Variants in AGBL1 observed in about 807,000 individuals in gnomAD.
AGBL1 encodes cytosolic carboxypeptidase 4.
In AGBL1, 130 loss-of-function variants were observed where a neutral mutation model predicts 118.9. The ratio of observed to expected loss-of-function variants is 1.09; its 90% CI spans 0.95 to 1.26. The LOEUF (loss-of-function observed/expected upper bound fraction) is 1.26. Ranked by LOEUF, AGBL1 falls within the 50% of genes most tolerant of loss-of-function variation. AGBL1 has a pLI of 0.00. For synonymous variants in AGBL1, 555 were observed against 478.9 expected (o/e 1.16, Z -2.08); for missense variants, 1,584 against 1,298.1 (o/e 1.22, Z -3.38).
chr15:86,876,369 C>T (rs191427878), intron 22 of AGBL1, among the ~76,000 whole-genome samples: 7 of 151,920 alleles, frequency 4.6e-5, no homozygotes, highest in South Asian at 4.2e-4. Flanking sequence ...AAAGCTGCAC[C>T]GATGGAGGGC....
intron 3 of AGBL1, among the ~76,000 whole-genome samples, chr15:86,152,829 C>A (rs1054408044): frequency 9.9e-5 from 15 of 152,012 alleles, no homozygotes; most frequent in African/African-American, 3.4e-4. Context: ...GAAAAACAAC[C>A]CCATCAAAAA....
intron 1 of AGBL1, among the ~76,000 whole-genome samples, chr15:86,133,118 G>A (rs2076840683): frequency 1.3e-5 from 2 of 152,142 alleles, no homozygotes; most frequent in South Asian, 4.2e-4. Context: ...TGTTACAGAG[G>A]TTATGGAAAT....
chr15:86,619,939 A>G (rs184339885), intron 21 of AGBL1, among the ~76,000 whole-genome samples: 11 of 152,342 alleles, frequency 7.2e-5, no homozygotes, highest in Non-Finnish European at 1.2e-4. Context: ...CCTATAACAG[A>G]GCTAAGTCAC....
At chr15:86,410,903 TATATA>T (rs1230189230) in intron 18 of AGBL1, among the ~76,000 whole-genome samples, 3 of 121,160 alleles carry the variant, frequency 2.5e-5, no homozygotes, top group Non-Finnish European at 4.9e-5. Context: ...TATAATATTA[TATATA>T]ATATATGTTA....
At chr15:86,980,867 T>C (rs2081225084) in intron 23 of AGBL1, among the ~76,000 whole-genome samples, 1 of 150,462 alleles carries the variant, frequency 6.6e-6, no homozygotes, top group Admixed American at 6.7e-5. Context: ...TAAATATAAA[T>C]AGTGCTTCAG....
intron 22 of AGBL1, among the ~76,000 whole-genome samples, chr15:86,799,154 T>A (rs976106966): frequency 1.6e-5 from 2 of 126,144 alleles, no homozygotes; most frequent in African/African-American, 5.5e-5. Flanking sequence ...ATTGTAATTT[T>A]ATTTTATTTT....
At chr15:86,619,143 C>T (rs575472120) in intron 21 of AGBL1, among the ~76,000 whole-genome samples, 52 of 152,132 alleles carry the variant, frequency 3.4e-4, no homozygotes, top group Non-Finnish European at 6.9e-4. Flanking sequence ...CAAGTGCCTG[C>T]TATGAATGAG....
chr15:86,581,349 T>A (rs892338945), intron 21 of AGBL1, among the ~76,000 whole-genome samples: 5 of 152,188 alleles, frequency 3.3e-5, no homozygotes, highest in African/African-American at 9.7e-5. Context: ...AGGTCCCTTC[T>A]TACTTTCCCC....
At chr15:86,672,439 T>C (rs528526693) in intron 21 of AGBL1, among the ~76,000 whole-genome samples, 2 of 152,330 alleles carry the variant, frequency 1.3e-5, no homozygotes, top group African/African-American at 4.8e-5. Context: ...CTCCTTCTTT[T>C]AACCTCTACA....
chr15:86,961,484 C>A (rs139151174), intron 23 of AGBL1, among the ~76,000 whole-genome samples: 2 of 152,124 alleles, frequency 1.3e-5, no homozygotes, highest in African/African-American at 4.8e-5. Flanking sequence ...GACCCAGAGC[C>A]AGCAAACGAG....
chr15:86,442,014 T>C (rs534184781), intron 18 of AGBL1, among the ~76,000 whole-genome samples: 6 of 152,196 alleles, frequency 3.9e-5, no homozygotes, highest in African/African-American at 1.2e-4. Flanking sequence ...ACACAACTGA[T>C]GAAATTTGGA....
At chr15:86,696,177 G>A (rs1312252950) in intron 22 of AGBL1, among the ~76,000 whole-genome samples, 2 of 151,954 alleles carry the variant, frequency 1.3e-5, no homozygotes, top group East Asian at 1.9e-4. Context: ...TGTCAGTGGA[G>A]TATTGAACTT....
At chr15:86,263,144 T>C (rs62013833) in intron 10 of AGBL1, among the ~76,000 whole-genome samples, 4,456 of 152,350 alleles carry the variant, frequency 0.029, 76 homozygotes, top group Middle Eastern at 0.058. Context: ...TACAAGGTCA[T>C]GTGCTGCATA....
chr15:86,832,711 A>G (rs2079122230), intron 22 of AGBL1, among the ~76,000 whole-genome samples: 1 of 152,214 alleles, frequency 6.6e-6, no homozygotes, highest in Non-Finnish European at 1.5e-5. Flanking sequence ...ACAAAGGTCT[A>G]GGAAGTTTCA....
intron 17 of AGBL1, among the ~76,000 whole-genome samples, chr15:86,365,034 C>CGT (rs1470445907): frequency 0.1 from 11,215 of 110,786 alleles, 1,369 homozygotes; most frequent in Non-Finnish European, 0.12. Context: ...TATACACACA[C>CGT]ATATATATAC....
At chr15:87,003,950 TG>T (rs1350295513) in intron 24 of AGBL1, among the ~76,000 whole-genome samples, 1 of 152,170 alleles carries the variant, frequency 6.6e-6, no homozygotes, top group Non-Finnish European at 1.5e-5. Context: ...AAGGGTTTTT[TG>T]TGTCTCTATC....
intron 16 of AGBL1, among the ~76,000 whole-genome samples, chr15:86,283,320 T>A (rs1364814533): frequency 6.6e-6 from 1 of 152,144 alleles, no homozygotes; most frequent in Non-Finnish European, 1.5e-5. Flanking sequence ...TGAGAACTTA[T>A]AACTGTATGA....
At chr15:86,763,531 A>G (rs1467584886) in intron 22 of AGBL1, among the ~76,000 whole-genome samples, 4 of 151,996 alleles carry the variant, frequency 2.6e-5, no homozygotes, top group East Asian at 1.9e-4. Context: ...TGGGAGAGCT[A>G]TAGGACTTCA....
At chr15:86,776,750 A>ATATATGTG (rs1466910509) in intron 22 of AGBL1, among the ~76,000 whole-genome samples, 1 of 139,640 alleles carries the variant, frequency 7.2e-6, no homozygotes, top group Non-Finnish European at 1.6e-5. Context: ...ATATATATAT[A>ATATATGTG]TGTGTGTGTG....
Sources: allele counts gnomAD v4.1 joint callset (sites outside exome capture counted in the v4.1 genomes callset), GRCh38; gene constraint gnomAD v4.1.1; transcripts MANE v1.5; gene names NCBI Gene and HGNC (gene_info 2026-07-23, HGNC 2026-07-21).